The following PLXDC2 variants were observed in gnomAD, a reference collection of about 807,000 sequenced individuals.
The protein encoded by PLXDC2 is plexin domain-containing protein 2.
PLXDC2 carries 40 observed loss-of-function variants against 68.9 expected under a neutral mutation model. That is an observed-to-expected ratio of 0.58 (90% CI 0.45 to 0.76). The LOEUF is 0.76. Ranked by LOEUF, PLXDC2 falls within the 30% of genes least tolerant of loss-of-function variation. The pLI, the probability that PLXDC2 is intolerant of heterozygous loss-of-function variation, is 0.00. For missense variants in PLXDC2, 644 were observed against 661.9 expected (o/e 0.97, Z 0.30); for synonymous variants, 243 against 234.2 (o/e 1.04, Z -0.34).
At chr10:19,859,270 TAAC>T (rs989910397) in intron 1 of PLXDC2, among the ~76,000 whole-genome samples, 4 of 144,678 alleles carry the variant, frequency 2.8e-5, no homozygotes, top group Non-Finnish European at 4.6e-5. Context: ...CAGACAAAAA[TAAC>T]AAAAAACAAA....
At chr10:20,045,926 CTCTTAAAACATTTACA>C (rs1835789690) in intron 2 of PLXDC2, among the ~76,000 whole-genome samples, 1 of 151,984 alleles carries the variant, frequency 6.6e-6, no homozygotes, top group African/African-American at 2.4e-5. Context: ...TCAAAATTGC[CTCTTAAAACATTTACA>C]TCTCCTCACT....
At chr10:20,251,077 T>C (rs570694090) in intron 13 of PLXDC2, among the ~76,000 whole-genome samples, 1 of 152,322 alleles carries the variant, frequency 6.6e-6, no homozygotes, top group South Asian at 2.1e-4. Flanking sequence ...TGTCTTCTTA[T>C]ACAAGATTAG....
At chr10:19,997,290 A>G (rs965278081) in intron 1 of PLXDC2, among the ~76,000 whole-genome samples, 2 of 152,218 alleles carry the variant, frequency 1.3e-5, no homozygotes, top group African/African-American at 4.8e-5. Context: ...ATGAATTGAG[A>G]TGCAAAGACA....
At chr10:19,952,928 G>A (rs1834013368) in intron 1 of PLXDC2, among the ~76,000 whole-genome samples, 1 of 151,600 alleles carries the variant, frequency 6.6e-6, no homozygotes, top group Non-Finnish European at 1.5e-5. Context: ...TTGTTTTGAT[G>A]ATCTCAGCTC....
intron 1 of PLXDC2, among the ~76,000 whole-genome samples, chr10:19,987,663 G>A (rs1161046269): frequency 6.6e-6 from 1 of 151,770 alleles, no homozygotes; most frequent in Non-Finnish European, 1.5e-5. Context: ...CAGGGTTCAC[G>A]CCATTCTCCT....
At chr10:20,184,687 C>G (rs1834656015) in intron 9 of PLXDC2, among the ~76,000 whole-genome samples, 1 of 151,852 alleles carries the variant, frequency 6.6e-6, no homozygotes, top group African/African-American at 2.4e-5. Flanking sequence ...TTCAACCAAT[C>G]CAACCTTTCC....
intron 13 of PLXDC2, among the ~76,000 whole-genome samples, chr10:20,273,798 C>G (rs1329565058): frequency 6.6e-6 from 1 of 152,162 alleles, no homozygotes; most frequent in African/African-American, 2.4e-5. Flanking sequence ...AGGAGGATTG[C>G]TTGAGGCTAG....
chr10:19,887,123 A>T (rs764817031), intron 1 of PLXDC2, among the ~76,000 whole-genome samples: 2 of 152,194 alleles, frequency 1.3e-5, no homozygotes, highest in Non-Finnish European at 2.9e-5. Flanking sequence ...GTGTTTTTAA[A>T]TCTTCTAATT....
chr10:19,898,633 A>G (rs1053067475), intron 1 of PLXDC2, among the ~76,000 whole-genome samples: 3 of 152,172 alleles, frequency 2.0e-5, no homozygotes, highest in Non-Finnish European at 4.4e-5. Context: ...TGGCTTATAT[A>G]TCTATTTGTC....
At chr10:20,081,802 A>T (rs1233852157) in intron 4 of PLXDC2, among the ~76,000 whole-genome samples, 1 of 151,970 alleles carries the variant, frequency 6.6e-6, no homozygotes, top group Non-Finnish European at 1.5e-5. Context: ...GCACTTTGGG[A>T]GGTGAAGGTG....
At chr10:19,840,592 C>G (rs963314210) in intron 1 of PLXDC2, among the ~76,000 whole-genome samples, 1 of 151,996 alleles carries the variant, frequency 6.6e-6, no homozygotes, top group Non-Finnish European at 1.5e-5. Flanking sequence ...GTAATAAAAA[C>G]ACATTTTGTT....
intron 13 of PLXDC2, among the ~76,000 whole-genome samples, chr10:20,249,860 T>C (rs80068677): frequency 0.04 from 6,047 of 152,218 alleles, 355 homozygotes; most frequent in African/African-American, 0.13. Flanking sequence ...GTTTCAATTA[T>C]ATTAAAATGT....
intron 1 of PLXDC2, 34 bp downstream of exon 1, chr10:19,817,225 T>C (rs1445872257): frequency 6.6e-6 from 10 of 1,521,272 alleles, no homozygotes; most frequent in Non-Finnish European, 8.9e-6. Context: ...GCTGATTTTG[T>C]GCGCAGCTGA....
chr10:19,929,227 A>G (rs73603673), intron 1 of PLXDC2, among the ~76,000 whole-genome samples: 1 of 151,732 alleles, frequency 6.6e-6, no homozygotes, highest in Admixed American at 6.5e-5. Context: ...AAAGAAAAAA[A>G]AAATAAATAA....
intron 1 of PLXDC2, among the ~76,000 whole-genome samples, chr10:19,852,633 T>C (rs922380820): frequency 2.0e-5 from 3 of 152,072 alleles, no homozygotes; most frequent in African/African-American, 7.2e-5. Flanking sequence ...TTGTTGACTA[T>C]AGATAATTAT....
chr10:19,983,730 G>A (rs954309107), intron 1 of PLXDC2, among the ~76,000 whole-genome samples: 2 of 152,128 alleles, frequency 1.3e-5, no homozygotes, highest in African/African-American at 2.4e-5. Flanking sequence ...GCTGCTCAAA[G>A]TACGGTCCAT....
At chr10:19,924,810 G>A (rs1044673185) in intron 1 of PLXDC2, among the ~76,000 whole-genome samples, 3 of 152,084 alleles carry the variant, frequency 2.0e-5, no homozygotes, top group African/African-American at 4.8e-5. Flanking sequence ...AATAGATATT[G>A]GTGTCTGTGT....
chr10:20,173,726 C>T (rs559668842), intron 7 of PLXDC2, among the ~76,000 whole-genome samples: 3 of 152,254 alleles, frequency 2.0e-5, no homozygotes, highest in Admixed American at 6.5e-5. Flanking sequence ...TTTATTTTGG[C>T]TTATTCTTGA....
chr10:19,852,129 G>A (rs1285427551), intron 1 of PLXDC2, among the ~76,000 whole-genome samples: 6 of 152,070 alleles, frequency 3.9e-5, no homozygotes, highest in Non-Finnish European at 8.8e-5. Context: ...TCAAGGCTGG[G>A]CATGGTGGCT....
Sources: allele counts gnomAD v4.1 joint callset (sites outside exome capture counted in the v4.1 genomes callset), GRCh38; gene constraint gnomAD v4.1.1; transcripts MANE v1.5; gene names NCBI Gene and HGNC (gene_info 2026-07-23, HGNC 2026-07-21).